Variants in PRKAG2 observed in about 807,000 individuals in gnomAD.
PRKAG2 encodes protein kinase AMP-activated non-catalytic subunit gamma 2, also known as 5'-AMP-activated protein kinase subunit gamma-2.
In PRKAG2, 26 loss-of-function variants were observed where a neutral mutation model predicts 69.6. That is an observed-to-expected ratio of 0.37 (90% CI 0.27 to 0.52). The LOEUF is 0.52. Among genes scored for constraint, PRKAG2 ranks in the 20% least tolerant of loss-of-function variants. The pLI, the probability that PRKAG2 is intolerant of heterozygous loss-of-function variation, is 0.90. For missense variants in PRKAG2, 557 were observed against 740.0 expected (o/e 0.75, Z 2.87); for synonymous variants, 293 against 285.0 (o/e 1.03, Z -0.28).
chr7:151,864,924 A>G (rs1473154839), intron 1 of PRKAG2, among the ~76,000 whole-genome samples: 1 of 152,196 alleles, frequency 6.6e-6, no homozygotes, highest in Non-Finnish European at 1.5e-5. Flanking sequence ...GTATATATGT[A>G]TATTACATAT....
At chr7:151,796,019 CTT>C (rs1305454933) in intron 1 of PRKAG2, among the ~76,000 whole-genome samples, 1 of 147,178 alleles carries the variant, frequency 6.8e-6, no homozygotes, top group African/African-American at 2.5e-5. Context: ...AATATATTAA[CTT>C]AATATATTTT....
chr7:151,684,131 G>A (rs766366697), intron 3 of PRKAG2, among the ~76,000 whole-genome samples: 6 of 152,202 alleles, frequency 3.9e-5, no homozygotes, highest in Admixed American at 1.3e-4. Flanking sequence ...GGAGGCTGGG[G>A]GAGCCAGGGA....
At chr7:151,688,042 GC>G (rs61417635) in intron 3 of PRKAG2, among the ~76,000 whole-genome samples, 1,212 of 107,094 alleles carry the variant, frequency 0.011, 94 homozygotes, top group African/African-American at 0.033. Context: ...AGGAAATGAG[GC>G]CCCCCCCCGG....
chr7:151,637,499 T>C (rs565132264), intron 4 of PRKAG2, among the ~76,000 whole-genome samples: 16 of 152,124 alleles, frequency 1.1e-4, no homozygotes, highest in Non-Finnish European at 2.2e-4. Context: ...CAGAAGTTGG[T>C]AGAGAGTAGA....
At chr7:151,641,244 C>CTTTTTTTTTTTTTTTTTTTTTT (rs374667332) in intron 4 of PRKAG2, among the ~76,000 whole-genome samples, 2 of 105,690 alleles carry the variant, frequency 1.9e-5, no homozygotes, top group African/African-American at 7.0e-5. Flanking sequence ...TTCTTTTTTC[C>CTTTTTTTTTTTTTTTTTTTTTT]TTTTTTTTTT....
At chr7:151,855,185 CACCACCCTCCACACA>C (rs1339751554) in intron 1 of PRKAG2, among the ~76,000 whole-genome samples, 5 of 56,378 alleles carry the variant, frequency 8.9e-5, no homozygotes, top group Admixed American at 3.7e-4. Context: ...CCTCCACACA[CACCACCCTCCACACA>C]CACCACCCTC....
At chr7:151,691,801 G>A (rs1043120133) in intron 3 of PRKAG2, among the ~76,000 whole-genome samples, 3 of 152,150 alleles carry the variant, frequency 2.0e-5, no homozygotes, top group East Asian at 3.8e-4. Context: ...ACAACCTAGC[G>A]ATGCCACTCT....
intron 3 of PRKAG2, among the ~76,000 whole-genome samples, chr7:151,743,560 T>C (rs531595547): frequency 6.6e-6 from 1 of 152,346 alleles, no homozygotes; most frequent in Non-Finnish European, 1.5e-5. Context: ...ACAAGGCATT[T>C]CATACTGTTA....
At chr7:151,620,104 C>T (rs952713318) in intron 5 of PRKAG2, among the ~76,000 whole-genome samples, 41 of 152,190 alleles carry the variant, frequency 2.7e-4, no homozygotes, top group African/African-American at 9.9e-4. Context: ...ATTTGGGAGA[C>T]TCAACCTGCA....
rs189045148 is a variant in PRKAG2 at position 151,611,463 on chromosome 7, G to C, written c.755-16009C>G. On this transcript the variant is annotated intron_variant, in intron 5 of 15. Transcript: ENST00000287878. Reference sequence around the variant, plus strand: ...TAATTTTGTAACCATCAGTCTTCTAGGGACTTGGTGATTCAAGTGAAATAA... The same window carrying C: ...TAATTTTGTAACCATCAGTCTTCTACGGACTTGGTGATTCAAGTGAAATAA... 3.6e-3 allele frequency among the ~76,000 whole-genome samples: 544 copies of C among 152,330 alleles called. 1 individual carries two copies. Among genetic ancestry groups the C allele is most frequent in the Non-Finnish European group, 6.1e-3 (416 of 68,042 alleles).
At chr7:151,698,430 T>G (rs981806082) in intron 3 of PRKAG2, among the ~76,000 whole-genome samples, 2 of 151,924 alleles carry the variant, frequency 1.3e-5, no homozygotes, top group African/African-American at 2.4e-5. Flanking sequence ...GACCCCCGAG[T>G]TGAAGGTGGG....
At chr7:151,838,384 A>C (rs2079192158) in intron 1 of PRKAG2, among the ~76,000 whole-genome samples, 1 of 151,890 alleles carries the variant, frequency 6.6e-6, no homozygotes, top group Admixed American at 6.6e-5. Flanking sequence ...TATCCTGGAC[A>C]TGTCTCACCT....
At chr7:151,576,513 T>G (rs1285496293) in intron 6 of PRKAG2, 61 bp from the exon 7 acceptor site, 27 of 1,412,800 alleles carry the variant, frequency 1.9e-5, no homozygotes, top group Non-Finnish European at 2.7e-5. Flanking sequence ...AATACCTTTT[T>G]TTTTTGAGAC....
chr7:151,625,392 C>T (rs914526671), intron 5 of PRKAG2, among the ~76,000 whole-genome samples: 1 of 152,056 alleles, frequency 6.6e-6, no homozygotes, highest in Non-Finnish European at 1.5e-5. Context: ...AAAGAGGCAC[C>T]AGGTGAGGCT....
intron 5 of PRKAG2, among the ~76,000 whole-genome samples, chr7:151,627,291 A>G (rs891235694): frequency 1.3e-5 from 2 of 152,126 alleles, no homozygotes; most frequent in African/African-American, 2.4e-5. Context: ...ACTTTTACCT[A>G]TTTTGATCAC....
chr7:151,731,874 G>A (rs1331876996), intron 3 of PRKAG2, among the ~76,000 whole-genome samples: 3 of 152,144 alleles, frequency 2.0e-5, no homozygotes. Flanking sequence ...GTCTCACTCT[G>A]TCTCCCAGGC....
intron 1 of PRKAG2, among the ~76,000 whole-genome samples, chr7:151,795,480 G>A (rs1055431630): frequency 2.6e-5 from 4 of 152,174 alleles, no homozygotes; most frequent in Non-Finnish European, 4.4e-5. Flanking sequence ...GACAGGGAGC[G>A]CTGGGCTCCA....
At chr7:151,678,490 G>C (rs1432991721) in intron 3 of PRKAG2, among the ~76,000 whole-genome samples, 1 of 152,204 alleles carries the variant, frequency 6.6e-6, no homozygotes, top group African/African-American at 2.4e-5. Flanking sequence ...TCACCTATTA[G>C]AGAAGGAGCC....
intron 1 of PRKAG2, among the ~76,000 whole-genome samples, chr7:151,845,599 G>C (rs1445387093): frequency 6.6e-6 from 1 of 152,168 alleles, no homozygotes; most frequent in Non-Finnish European, 1.5e-5. Context: ...GGACTGACTC[G>C]TGGGGGAGGC....
Sources: allele counts gnomAD v4.1 joint callset (sites outside exome capture counted in the v4.1 genomes callset), GRCh38; gene constraint gnomAD v4.1.1; transcripts MANE v1.5; gene names NCBI Gene and HGNC (gene_info 2026-07-23, HGNC 2026-07-21).